The following GNAL variants were observed in gnomAD, a reference collection of about 807,000 sequenced individuals.
GNAL encodes the protein guanine nucleotide-binding protein G(olf) subunit alpha.
In GNAL, 18 loss-of-function variants were observed where a neutral mutation model predicts 55.1. That is an observed-to-expected ratio of 0.33 (90% CI 0.23 to 0.48). GNAL has a LOEUF of 0.48. Ranked by LOEUF, GNAL falls within the 20% of genes least tolerant of loss-of-function variation. GNAL has a pLI of 0.99. For missense variants in GNAL, 412 were observed against 614.1 expected, an observed-to-expected ratio of 0.67 and a Z score of 3.48; for synonymous variants, 253 against 237.0, an observed-to-expected ratio of 1.07 and a Z score of -0.62.
chr18:11,759,989 C>T (rs2033188355), intron 4 of GNAL, among the ~76,000 whole-genome samples: 1 of 152,052 alleles, frequency 6.6e-6, no homozygotes, highest in Admixed American at 6.6e-5. Context: ...TCCCTGCACC[C>T]TGGGTGACCA....
intron 1 of GNAL, among the ~76,000 whole-genome samples, chr18:11,730,650 G>C (rs1478300730): frequency 6.6e-6 from 1 of 152,026 alleles, no homozygotes; most frequent in Non-Finnish European, 1.5e-5. Context: ...TGTAGTCCCA[G>C]CTACTAAGGA....
intron 1 of GNAL, among the ~76,000 whole-genome samples, chr18:11,748,109 A>G (rs2032731884): frequency 6.6e-6 from 1 of 152,208 alleles, no homozygotes; most frequent in South Asian, 2.1e-4. Flanking sequence ...CAAACTAGAA[A>G]AAGGTCAGGT....
Position 11,752,986 on chromosome 18 carries a change from C to T in GNAL, c.449+61C>T. On this transcript the variant is annotated intron_variant, in intron 2 of 11. Transcript: ENST00000334049. This position sits in a 1 kb window ranked among gnomAD's most constrained non-coding sequence, Gnocchi z 4.5. Reference sequence around the variant, plus strand: ...AACTTCGTCTCTCTCCCAGACGTCCCAAAAGTGCTTTCTCTAAACAATTTT... The same window carrying T: ...AACTTCGTCTCTCTCCCAGACGTCCTAAAAGTGCTTTCTCTAAACAATTTT... The T allele has an allele frequency of 1.1e-6, 1 of 947,232 alleles. No homozygotes were observed. The highest frequency in any genetic ancestry group is 1.4e-5 in the South Asian group (1 of 71,756). The allele number at this position is 947,232 out of a possible 1,614,324, so 58.7% of individuals were successfully genotyped here.
intron 4 of GNAL, among the ~76,000 whole-genome samples, chr18:11,795,345 G>A (rs2034349860): frequency 6.8e-6 from 1 of 146,104 alleles, no homozygotes; most frequent in South Asian, 2.1e-4. Flanking sequence ...AGGACGCAGT[G>A]AGCTCACTAC....
chr18:11,851,964 G>A (rs551779348), intron 5 of GNAL: 2 of 1,613,922 alleles, frequency 1.2e-6, no homozygotes, highest in Admixed American at 1.7e-5. Context: ...AAGTGGATAT[G>A]CTGCTCCAGG....
chr18:11,751,854 C>A lies in GNAL; in HGVS notation c.377-999C>A, dbSNP rs1490890967. On this transcript the variant is annotated intron_variant, in intron 1 of 11. Transcript: ENST00000334049. This position sits in a 1 kb window ranked among gnomAD's most constrained non-coding sequence, Gnocchi z 4.5. The stretch of plus-strand genomic sequence containing the variant: ...CCCTTCCCCGCACCGGGATCCCAGA[C>A]CAGGGAGGGGGCGCACGTCCGACGG... The A allele has an allele frequency of 5.7e-6, 1 of 176,856 alleles. No individual in the cohort carries two copies. The highest frequency in any genetic ancestry group is 2.4e-5 in the African/African-American group (1 of 41,936). 11.0% of individuals were successfully genotyped at this position (176,856 alleles called of 1,614,324 possible).
intron 1 of GNAL, among the ~76,000 whole-genome samples, chr18:11,693,471 C>G (rs1470083581): frequency 1.3e-5 from 2 of 152,138 alleles, no homozygotes; most frequent in East Asian, 1.9e-4. Flanking sequence ...CATTGTTTAT[C>G]AATTTTATAT....
intron 4 of GNAL, among the ~76,000 whole-genome samples, chr18:11,774,568 A>G (rs1388310872): frequency 6.6e-6 from 1 of 152,230 alleles, no homozygotes; most frequent in Non-Finnish European, 1.5e-5. Flanking sequence ...GTATAACTGC[A>G]GCAATCTTAT....
rs73397879 is a variant in GNAL at position 11,751,237 on chromosome 18, A to G, written c.377-1616A>G. On this transcript the variant is annotated intron_variant, in intron 1 of 11. Transcript: ENST00000334049. This position sits in a 1 kb window ranked among gnomAD's most constrained non-coding sequence, Gnocchi z 4.5. ...CCCCTCTTCTGACCTCCTTCCCCCA[A>G]GTACAACACTGCAAACGCCAAGCTG... Among the ~76,000 whole-genome samples, 1,624 of 152,064 alleles carry G rather than the reference A, an allele frequency of 0.011. 13 individuals are homozygous for G. The highest frequency in any genetic ancestry group is 0.022 in the African/African-American group (897 of 41,470).
At chr18:11,844,881 T>G (rs2035697461) in intron 5 of GNAL, among the ~76,000 whole-genome samples, 1 of 152,188 alleles carries the variant, frequency 6.6e-6, no homozygotes, top group Admixed American at 6.5e-5. Flanking sequence ...TTTATTTTAT[T>G]TGAGATGGAG....
intron 4 of GNAL, among the ~76,000 whole-genome samples, chr18:11,798,114 T>A (rs1319138439): frequency 6.6e-6 from 1 of 152,130 alleles, no homozygotes; most frequent in Non-Finnish European, 1.5e-5. Flanking sequence ...TCTCCTATAG[T>A]CCCAGTTACT....
At chr18:11,837,321 A>G (rs1425645382) in intron 5 of GNAL, among the ~76,000 whole-genome samples, 1 of 152,204 alleles carries the variant, frequency 6.6e-6, no homozygotes, top group East Asian at 1.9e-4. Context: ...ATGATTCAAG[A>G]AAGTGAAAAA....
At chr18:11,875,575 C>T (rs2036511694) in intron 10 of GNAL, among the ~76,000 whole-genome samples, 1 of 152,168 alleles carries the variant, frequency 6.6e-6, no homozygotes, top group African/African-American at 2.4e-5. Flanking sequence ...TGTAGCACCT[C>T]CCCCATCTCT....
intron 1 of GNAL, among the ~76,000 whole-genome samples, chr18:11,750,334 G>T (rs941681699): frequency 6.6e-6 from 1 of 152,186 alleles, no homozygotes; most frequent in Non-Finnish European, 1.5e-5. Flanking sequence ...GGCACCGTGG[G>T]GGCGGTGTGT....
chr18:11,834,878 G>A (rs576084423), intron 5 of GNAL, among the ~76,000 whole-genome samples: 1 of 152,348 alleles, frequency 6.6e-6, no homozygotes, highest in Non-Finnish European at 1.5e-5. Flanking sequence ...GTTGCTCTGT[G>A]AGGAGAGCTT....
intron 8 of GNAL, among the ~76,000 whole-genome samples, chr18:11,867,864 C>T (rs1197612136): frequency 1.3e-5 from 2 of 151,878 alleles, no homozygotes; most frequent in African/African-American, 2.4e-5. Flanking sequence ...GTGGCTCATG[C>T]CTGTAATCCC....
At chr18:11,801,615 G>A (rs1264330352) in intron 4 of GNAL, among the ~76,000 whole-genome samples, 1 of 152,192 alleles carries the variant, frequency 6.6e-6, no homozygotes, top group Non-Finnish European at 1.5e-5. Flanking sequence ...AGATGCCATA[G>A]AGAGGCAAGG....
chr18:11,767,512 C>T (rs2033448388), intron 4 of GNAL, among the ~76,000 whole-genome samples: 1 of 151,984 alleles, frequency 6.6e-6, no homozygotes, highest in Admixed American at 6.6e-5. Context: ...CTGTGTGCAT[C>T]CTTACACTTG....
intron 5 of GNAL, among the ~76,000 whole-genome samples, chr18:11,830,743 G>A (rs2035362146): frequency 6.6e-6 from 1 of 152,190 alleles, no homozygotes; most frequent in Non-Finnish European, 1.5e-5. Context: ...ATCAAATGAA[G>A]AATGTATAGA....
Sources: gnomAD v4.1 joint callset for allele counts (sites outside exome capture counted in the v4.1 genomes callset) on GRCh38, gnomAD v4.1.1 for gene constraint, Gnocchi (gnomAD v3.1) non-coding constraint, MANE v1.5 for transcripts, NCBI Gene and HGNC (gene_info 2026-07-23, HGNC 2026-07-21) for gene names.